PRKCE: variants seen among roughly 807,000 people sequenced by gnomAD.
PRKCE encodes the protein protein kinase C epsilon, also known as protein kinase C epsilon type.
In PRKCE, 16 loss-of-function variants were observed where a neutral mutation model predicts 85.4. That is an observed-to-expected ratio of 0.19 (90% CI 0.13 to 0.28). The LOEUF (loss-of-function observed/expected upper bound fraction) is 0.28. PRKCE is among the 10% of genes least tolerant of loss of function. The probability of loss-of-function intolerance (pLI) is 1.00; values close to 1 mark genes in which losing one functional copy is unlikely to be tolerated. For synonymous variants in PRKCE, 388 were observed against 371.5 expected, an observed-to-expected ratio of 1.04 and a Z score of -0.51; for missense variants, 573 against 975.2, an observed-to-expected ratio of 0.59 and a Z score of 5.49.
chr2:45,671,411 A>G (rs1676154017), intron 1 of PRKCE, among the ~76,000 whole-genome samples: 1 of 152,344 alleles, frequency 6.6e-6, no homozygotes, highest in East Asian at 1.9e-4. Context: ...CACACTAGGT[A>G]CAGGAGGCCT....
At chr2:46,141,114 C>T (rs915452447) in intron 11 of PRKCE, among the ~76,000 whole-genome samples, 2 of 151,930 alleles carry the variant, frequency 1.3e-5, no homozygotes, top group Non-Finnish European at 2.9e-5. Flanking sequence ...TCTTGTAGTA[C>T]CTGATTCAGA....
chr2:45,858,000 C>T (rs947413616), intron 2 of PRKCE, among the ~76,000 whole-genome samples: 5 of 152,226 alleles, frequency 3.3e-5, no homozygotes, highest in Admixed American at 6.5e-5. Context: ...CGCCAGCTGA[C>T]GGCTGAGCGT....
In PRKCE at chr2:46,137,627, G is replaced by T. The variant is rs566705631; in HGVS notation, c.1593-7466G>T. Among the ~76,000 whole-genome samples, 4 of 150,134 alleles carry T rather than the reference G, an allele frequency of 2.7e-5. No homozygotes were observed. The South Asian group carries it at 8.6e-4, about 32-fold the overall frequency. On this transcript the variant is annotated intron_variant, in intron 11 of 14. Coordinates refer to ENST00000306156, the MANE Select transcript of PRKCE (RefSeq NM_005400.3). The stretch of plus-strand genomic sequence containing the variant: ...AAAAAAAAAAAAGATCTGGACAGTA[G>T]TGGTGCATGCCTGTAATCCCAGCAA...
chr2:46,105,966 G>C (rs1013794176), intron 11 of PRKCE, among the ~76,000 whole-genome samples: 9 of 152,114 alleles, frequency 5.9e-5, no homozygotes, highest in African/African-American at 2.2e-4. Context: ...TTAGATTTAT[G>C]TATGTTTTAT....
intron 1 of PRKCE, among the ~76,000 whole-genome samples, chr2:45,728,489 G>T (rs1215526190): frequency 1.3e-5 from 2 of 152,054 alleles, no homozygotes; most frequent in African/African-American, 2.4e-5. Flanking sequence ...ATCCTCTTGT[G>T]CATGCTGCTT....
rs558906331 is a variant in PRKCE at position 46,042,264 on chromosome 2, G to C, written c.1437+31747G>C. 3.3e-5 allele frequency among the ~76,000 whole-genome samples: 5 copies of C among 152,168 alleles called. No individual in the cohort carries two copies. The East Asian group carries it at 5.8e-4, about 18-fold the overall frequency. On this transcript the variant is annotated intron_variant, in intron 10 of 14. Coordinates refer to ENST00000306156, the MANE Select transcript of PRKCE (RefSeq NM_005400.3). ...GCTGACACACAGTCTGTCTGGGTGA[G>C]TTCTCCCCTCCTGTTCACTCTTTCC...
intron 2 of PRKCE, among the ~76,000 whole-genome samples, chr2:45,893,938 T>C (rs1472567709): frequency 6.6e-6 from 1 of 152,148 alleles, no homozygotes; most frequent in Non-Finnish European, 1.5e-5. Flanking sequence ...TCCTAGCCTC[T>C]CTGTTTCCGG....
chr2:45,872,784 A>T (rs1419816744), intron 2 of PRKCE, among the ~76,000 whole-genome samples: 1 of 152,196 alleles, frequency 6.6e-6, no homozygotes, highest in East Asian at 1.9e-4. Context: ...GGGCCATTTC[A>T]AATTTGAGAT....
intron 1 of PRKCE, among the ~76,000 whole-genome samples, chr2:45,746,998 C>T (rs561606116): frequency 8.5e-5 from 13 of 152,308 alleles, no homozygotes; most frequent in Middle Eastern, 6.8e-3. Context: ...CACTGTGCAA[C>T]TGAACTGATG....
At chr2:45,729,010 C>T (rs1293910080) in intron 1 of PRKCE, among the ~76,000 whole-genome samples, 1 of 152,188 alleles carries the variant, frequency 6.6e-6, no homozygotes, top group Admixed American at 6.5e-5. Flanking sequence ...TCTTCCCTCA[C>T]TTCCCATCGT....
intron 2 of PRKCE, among the ~76,000 whole-genome samples, chr2:45,958,079 G>A (rs1388253631): frequency 1.3e-5 from 2 of 150,466 alleles, no homozygotes; most frequent in Non-Finnish European, 2.9e-5. Flanking sequence ...TCTGATGCAT[G>A]CTGAAGTTTC....
chr2:45,832,523 A>C (rs1458705795), intron 1 of PRKCE, among the ~76,000 whole-genome samples: 2 of 151,882 alleles, frequency 1.3e-5, no homozygotes, highest in African/African-American at 4.8e-5. Flanking sequence ...ATATTGGCCA[A>C]GCTGGTCTTG....
In PRKCE at chr2:45,999,483, C is replaced by G. The variant is rs376220584; in HGVS notation, c.824-1921C>G. ...CTTTATAGGTAAAACTTTTTTTTTT[C>G]CTTTGACTTCTTTCAGCGTTTTTTA... On this transcript the variant is annotated intron_variant, in intron 6 of 14. Coordinates refer to ENST00000306156, the MANE Select transcript of PRKCE (RefSeq NM_005400.3). 5.3e-5 allele frequency among the ~76,000 whole-genome samples: 8 copies of G among 150,472 alleles called. No homozygotes were observed. The South Asian group carries it at 1.3e-3, about 24-fold the overall frequency.
intron 1 of PRKCE, among the ~76,000 whole-genome samples, chr2:45,711,051 T>G (rs1679589191): frequency 6.6e-6 from 1 of 152,196 alleles, no homozygotes; most frequent in South Asian, 2.1e-4. Context: ...CCTGTCCCCC[T>G]CCCTGTGGTT....
chr2:46,161,751 G>A (rs1677785830), intron 14 of PRKCE, among the ~76,000 whole-genome samples: 1 of 152,110 alleles, frequency 6.6e-6, no homozygotes, highest in African/African-American at 2.4e-5. Flanking sequence ...GGAGGTTTTA[G>A]AGTGTGGATT....
intron 1 of PRKCE, among the ~76,000 whole-genome samples, chr2:45,825,879 T>A (rs1689902691): frequency 6.6e-6 from 1 of 151,698 alleles, no homozygotes; most frequent in Non-Finnish European, 1.5e-5. Context: ...CAGAGCAAGA[T>A]CCTATTTCAA....
chr2:45,906,495 T>C (rs1055511719), intron 2 of PRKCE, among the ~76,000 whole-genome samples: 7 of 152,240 alleles, frequency 4.6e-5, no homozygotes, highest in African/African-American at 1.7e-4. Context: ...TGTGGTGCTA[T>C]GCATGGCTCT....
At chr2:45,817,002 C>G (rs1489952194) in intron 1 of PRKCE, among the ~76,000 whole-genome samples, 4 of 151,766 alleles carry the variant, frequency 2.6e-5, no homozygotes, top group African/African-American at 9.7e-5. Context: ...CACAGAGACA[C>G]AGAACATTGG....
intron 1 of PRKCE, among the ~76,000 whole-genome samples, chr2:45,802,513 A>G (rs545263596): frequency 4.2e-4 from 64 of 152,318 alleles, no homozygotes; most frequent in Non-Finnish European, 7.2e-4. Context: ...GTAGACTATT[A>G]TAAAGCCTTT....
Sources: allele counts gnomAD v4.1 joint callset (sites outside exome capture counted in the v4.1 genomes callset), GRCh38; gene constraint gnomAD v4.1.1; transcripts MANE v1.5; gene names NCBI Gene and HGNC (gene_info 2026-07-23, HGNC 2026-07-21).